The following RABEPK variants were observed in gnomAD, a reference collection of about 807,000 sequenced individuals.
The protein encoded by RABEPK is 40 kDa Rab9 effector protein.
A neutral mutation model predicts 34.1 loss-of-function variants in RABEPK; 27 were observed. The observed-to-expected ratio is 0.79, with a 90% CI of 0.58 to 1.09. The LOEUF (loss-of-function observed/expected upper bound fraction) is 1.09, where lower values mean the gene tolerates loss of function less well. RABEPK is among the 50% of genes least tolerant of loss of function. The pLI is 0.00. For missense variants in RABEPK, 449 were observed against 462.6 expected, an observed-to-expected ratio of 0.97 and a Z score of 0.27; for synonymous variants, 172 against 169.2, an observed-to-expected ratio of 1.02 and a Z score of -0.13.
chr9:125,207,593 C>G lies in RABEPK; in HGVS notation c.83C>G (p.Pro28Arg). 1 of 1,614,124 alleles carries G rather than the reference C, an allele frequency of 6.2e-7. No homozygotes were observed. Among genetic ancestry groups the G allele is most frequent in the Non-Finnish European group, 8.5e-7 (1 of 1,179,976 alleles). ...ACCTTGACTGTCCCTGGAGACAGCC[C>G]CTGTGCTCGAGTTGGCCACAGCTGT... ...WYTLTVPGDS[P>R]CARVGHSCSY... Residue 28 changes from proline (P) to arginine (R), a missense_variant, in exon 3 of 8, where the codon CCC (proline) becomes CGC (arginine). Pro to Arg is a moderately radical substitution (Grantham distance 103). Coordinates refer to ENST00000373538, the MANE Select transcript of RABEPK (RefSeq NM_005833.4).
intron 2 of RABEPK, among the ~76,000 whole-genome samples, chr9:125,205,378 C>G (rs1433927469): frequency 2.6e-5 from 4 of 152,132 alleles, no homozygotes; most frequent in Non-Finnish European, 4.4e-5. Context: ...TTTGTTATAT[C>G]CACCATCTCT....
At chr9:125,226,261 G>C (rs982624186) in intron 5 of RABEPK, among the ~76,000 whole-genome samples, 15 of 151,536 alleles carry the variant, frequency 9.9e-5, no homozygotes, top group Non-Finnish European at 1.6e-4. Flanking sequence ...AGGTTGCAGT[G>C]GGCGAAGATC....
At position 125,220,521 on chromosome 9, in the gene RABEPK, G is replaced by C; in HGVS notation, c.365-18G>C. ...CTCTACCTGGATATTTTAAGTGCCT[G>C]CATTCTCTCTGGCCCAGAAACCAGG... On this transcript the variant is annotated intron_variant, in intron 4 of 7. Transcript: ENST00000373538. 1 of 1,607,394 alleles carries C rather than the reference G, an allele frequency of 6.2e-7. No individual in the cohort carries two copies. The highest frequency in any genetic ancestry group is 8.5e-7 in the Non-Finnish European group (1 of 1,176,150).
intron 4 of RABEPK, among the ~76,000 whole-genome samples, chr9:125,215,051 A>G (rs1227427177): frequency 1.3e-5 from 2 of 151,662 alleles, no homozygotes; most frequent in African/African-American, 4.8e-5. Flanking sequence ...CAGCCTCCCA[A>G]AATGCTGGGA....
chr9:125,232,949 GC>G (rs1286997230), intron 7 of RABEPK, among the ~76,000 whole-genome samples: 7 of 151,858 alleles, frequency 4.6e-5, no homozygotes, highest in African/African-American at 1.7e-4. Context: ...GGTGGCGGGC[GC>G]CTGTAGTCCC....
At chr9:125,219,682 C>T (rs1831191269) in intron 4 of RABEPK, among the ~76,000 whole-genome samples, 3 of 151,768 alleles carry the variant, frequency 2.0e-5, no homozygotes, top group Admixed American at 2.0e-4. Context: ...GGATTACAAG[C>T]GTGAGCCACT....
intron 3 of RABEPK, among the ~76,000 whole-genome samples, chr9:125,211,715 CCCAGCA>C (rs1018074794): frequency 6.6e-6 from 1 of 152,082 alleles, no homozygotes; most frequent in Non-Finnish European, 1.5e-5. Flanking sequence ...GGTGTAATCC[CCCAGCA>C]CCTTGGGAGG....
At chr9:125,206,987 G>A (rs1830264589) in intron 2 of RABEPK, among the ~76,000 whole-genome samples, 1 of 151,954 alleles carries the variant, frequency 6.6e-6, no homozygotes, top group Non-Finnish European at 1.5e-5. Flanking sequence ...TGCTAGGGAG[G>A]CTGAGGCAGG....
At chr9:125,221,469 C>T (rs1295154999) in intron 5 of RABEPK, 2 of 151,424 alleles carry the variant, frequency 1.3e-5, no homozygotes, top group East Asian at 1.9e-4. Context: ...TGCACTCCAG[C>T]CTTGGCAACA....
chr9:125,214,243 G>T (rs1046791727), intron 4 of RABEPK, among the ~76,000 whole-genome samples: 2 of 152,124 alleles, frequency 1.3e-5, no homozygotes, highest in African/African-American at 4.8e-5. Flanking sequence ...AGGCGATTGT[G>T]CCCCCGGGGG....
intron 5 of RABEPK, among the ~76,000 whole-genome samples, chr9:125,224,202 C>CAAAAA (rs199760125): frequency 1.2e-5 from 1 of 84,938 alleles, no homozygotes; most frequent in Non-Finnish European, 2.7e-5. Context: ...TCTCAAAAAA[C>CAAAAA]AAAAACAAAA....
chr9:125,221,610 G>A (rs1831337866), intron 5 of RABEPK: 1 of 151,456 alleles, frequency 6.6e-6, no homozygotes. Flanking sequence ...ACAAACAGAA[G>A]TAAAAGATTC....
intron 6 of RABEPK, among the ~76,000 whole-genome samples, chr9:125,229,098 A>G (rs911773653): frequency 6.6e-6 from 1 of 151,300 alleles, no homozygotes; most frequent in African/African-American, 2.4e-5. Context: ...TACTAAAAAT[A>G]TAAAAATTAG....
chr9:125,225,103 G>A (rs1831640399), intron 5 of RABEPK, among the ~76,000 whole-genome samples: 1 of 151,982 alleles, frequency 6.6e-6, no homozygotes, highest in South Asian at 2.1e-4. Context: ...ATAATAATAA[G>A]ACTGGGTGTG....
chr9:125,206,331 C>G (rs1026053254), intron 2 of RABEPK, among the ~76,000 whole-genome samples: 1 of 152,044 alleles, frequency 6.6e-6, no homozygotes, highest in African/African-American at 2.4e-5. Flanking sequence ...AACCCCATCT[C>G]TACTAAAAAT....
Position 125,219,342 on chromosome 9 carries a change from C to G in RABEPK, c.365-1197C>G, listed in dbSNP as rs1831166369. On this transcript the variant is annotated intron_variant, in intron 4 of 7. Coordinates refer to ENST00000373538, the MANE Select transcript of RABEPK (RefSeq NM_005833.4). Reference sequence around the variant, plus strand: ...TTCCCAAAGTGCTAGGGTTACAGGCCTTACAGCCACTGTGCTCAGCCTAAT... The same window carrying G: ...TTCCCAAAGTGCTAGGGTTACAGGCGTTACAGCCACTGTGCTCAGCCTAAT... Among the ~76,000 whole-genome samples, 4 of 149,626 alleles carry G rather than the reference C, an allele frequency of 2.7e-5. No individual in the cohort carries two copies. The South Asian group carries it at 8.5e-4, about 32-fold the overall frequency.
intron 6 of RABEPK, among the ~76,000 whole-genome samples, chr9:125,230,643 C>G (rs2131435403): frequency 6.6e-6 from 1 of 150,784 alleles, no homozygotes; most frequent in South Asian, 2.1e-4. Context: ...TCATGCCATT[C>G]TCCTGCCTCA....
At chr9:125,217,546 A>G (rs1203796620) in intron 4 of RABEPK, among the ~76,000 whole-genome samples, 1 of 152,134 alleles carries the variant, frequency 6.6e-6, no homozygotes, top group African/African-American at 2.4e-5. Flanking sequence ...GATTACAGGC[A>G]CATGCCACCA....
Position 125,232,761 on chromosome 9 carries a change from T to C in RABEPK, c.826+16T>C, listed in dbSNP as rs1188759637. On this transcript the variant is annotated intron_variant, in intron 7 of 7. Transcript: ENST00000373538. ...TATCACACAGGTGAGCAGGTGTCCA[T>C]GGGGGATCTTTAAACAAATCTAAAC... is the stretch of plus-strand genomic sequence containing the variant. The C allele has an allele frequency of 1.2e-6, 2 of 1,604,270 alleles. No homozygotes were observed. The highest frequency in any genetic ancestry group is 1.7e-6 in the Non-Finnish European group (2 of 1,173,832).
Sources: gnomAD v4.1 joint callset for allele counts (sites outside exome capture counted in the v4.1 genomes callset) on GRCh38, gnomAD v4.1.1 for gene constraint, MANE v1.5 for transcripts, NCBI Gene and HGNC (gene_info 2026-07-23, HGNC 2026-07-21) for gene names.